TRPS1: variants seen among roughly 807,000 people sequenced by gnomAD.
The protein encoded by TRPS1 is zinc finger transcription factor Trps1.
A neutral mutation model predicts 101.2 loss-of-function variants in TRPS1; 6 were observed. That is an observed-to-expected ratio of 0.06 (90% CI 0.03 to 0.12). The LOEUF is 0.12. Ranked by LOEUF, TRPS1 falls within the 10% of genes least tolerant of loss-of-function variation. The probability of loss-of-function intolerance (pLI) is 1.00; values close to 1 mark genes in which losing one functional copy is unlikely to be tolerated. For missense variants in TRPS1, 1,363 were observed against 1,567.0 expected (o/e 0.87, Z 2.20); for synonymous variants, 578 against 589.8 (o/e 0.98, Z 0.29).
At chr8:115,616,374 G>A (rs1056008690) in intron 3 of TRPS1, among the ~76,000 whole-genome samples, 8 of 151,988 alleles carry the variant, frequency 5.3e-5, no homozygotes, top group East Asian at 1.9e-4. Context: ...GGAAATCTTC[G>A]AATTTGTTTA....
In TRPS1 at chr8:115,587,574, C is replaced by T. The variant is rs755741281; in HGVS notation, c.2127G>A (p.Gln709=). Residue 709 remains glutamine, a synonymous_variant, in exon 5 of 7, where the codon CAG becomes CAA. Coordinates refer to ENST00000395715, the MANE Select transcript of TRPS1 (RefSeq NM_014112.5). ...GAGTATCGGCAGCTGTAAAACTGCA[C>T]TGACGGCATTTGTAGCAGCTGTGTG... The part of the protein sequence containing the change: ...RRAHSCYKCR[Q]CSFTAADTQS... 1.6e-5 allele frequency: 26 copies of T among 1,614,146 alleles called. No individual in the cohort carries two copies. The highest frequency in any genetic ancestry group is 2.1e-5 in the Non-Finnish European group (25 of 1,180,010).
In TRPS1 at chr8:115,533,440, T is replaced by TTTTTTTTTG. The variant is rs1302190749; in HGVS notation, c.2700+53560_2700+53561insCAAAAAAAA. Among the ~76,000 whole-genome samples the TTTTTTTTTG allele has an allele frequency of 2.8e-4, 33 of 118,896 alleles. 1 individual carries two copies. Among genetic ancestry groups the TTTTTTTTTG allele is most frequent in the African/African-American group, 1.2e-3 (30 of 24,560 alleles). 78.0% of individuals were successfully genotyped at this position (118,896 alleles called of 152,430 possible). A position where few individuals can be genotyped will look rare whatever the true frequency, so the allele number is the denominator to read the frequency against. ...CCCGCTTCCCACATGTAATCTGTTT[T>TTTTTTTTTG]TTTTTTTTTTTTTTTTTTTCCTGAA... is the stretch of plus-strand genomic sequence containing the variant. On this transcript the variant is annotated intron_variant, in intron 5 of 6. Coordinates refer to ENST00000395715, the MANE Select transcript of TRPS1 (RefSeq NM_014112.5).
intron 2 of TRPS1, among the ~76,000 whole-genome samples, chr8:115,622,599 CACTA>C (rs755942432): frequency 2.0e-3 from 309 of 152,250 alleles, no homozygotes; most frequent in East Asian, 9.6e-3. Context: ...ATAATGTCTT[CACTA>C]ACTATTACAA....
At chr8:115,456,755 C>T (rs778468802) in intron 5 of TRPS1, among the ~76,000 whole-genome samples, 1 of 152,084 alleles carries the variant, frequency 6.6e-6, no homozygotes, top group Non-Finnish European at 1.5e-5. Context: ...CATAAAGGAA[C>T]ATGTATAGGC....
At chr8:115,537,506 G>C (rs1250620843) in intron 5 of TRPS1, among the ~76,000 whole-genome samples, 3 of 152,044 alleles carry the variant, frequency 2.0e-5, no homozygotes, top group African/African-American at 7.2e-5. Flanking sequence ...GACAACTTCT[G>C]CCACAAAACC....
chr8:115,599,174 T>C (rs772336731), intron 4 of TRPS1, among the ~76,000 whole-genome samples: 1 of 152,148 alleles, frequency 6.6e-6, no homozygotes, highest in Non-Finnish European at 1.5e-5. Flanking sequence ...CTCCTTGCTC[T>C]CTCTTAAATA....
intron 5 of TRPS1, among the ~76,000 whole-genome samples, chr8:115,565,913 C>G (rs189961614): frequency 2.0e-5 from 3 of 152,100 alleles, no homozygotes; most frequent in Admixed American, 2.0e-4. Context: ...ATTAAAAGGA[C>G]GAAAGACATT....
chr8:115,488,842 G>C (rs1452092566), intron 5 of TRPS1, among the ~76,000 whole-genome samples: 2 of 152,034 alleles, frequency 1.3e-5, no homozygotes, highest in Non-Finnish European at 2.9e-5. Flanking sequence ...GGATAATTTA[G>C]AGTTAAAATA....
chr8:115,492,101 T>C (rs1815038263), intron 5 of TRPS1: 2 of 434,272 alleles, frequency 4.6e-6, no homozygotes, highest in Non-Finnish European at 9.2e-6. Context: ...AAAAAATCTA[T>C]TGAGATGAGA....
In TRPS1 at chr8:115,414,720, C is replaced by T. The variant is rs776955806; in HGVS notation, c.3188G>A (p.Gly1063Glu). 3 of 1,614,066 alleles carry T rather than the reference C, an allele frequency of 1.9e-6. No homozygotes were observed. Among genetic ancestry groups the T allele is most frequent in the Non-Finnish European group, 2.5e-6 (3 of 1,179,956 alleles). Residue 1063 changes from glycine (G) to glutamate (E), a missense_variant, in exon 7 of 7, where the codon GGA becomes GAA. Physicochemically the swap from Gly to Glu is moderately conservative, Grantham distance 98. This residue lies in a region of TRPS1 where 307 missense variants were observed against 392.4 expected (regional missense o/e 0.78). Coordinates refer to ENST00000395715, the MANE Select transcript of TRPS1 (RefSeq NM_014112.5). This position sits in a 1 kb window ranked among gnomAD's most constrained non-coding sequence, Gnocchi z 4.8. ...CCCTTCAGATACGGATGAACTATTT[C>T]CTGGATCTCCAGTACTTTCCTGAGG... ...KSPQESTGDPGNSSSVSEGKG... is the reference protein window; with the variant it reads ...KSPQESTGDPENSSSVSEGKG...
intron 5 of TRPS1, among the ~76,000 whole-genome samples, chr8:115,524,047 T>A (rs1281820889): frequency 6.6e-6 from 1 of 152,164 alleles, no homozygotes; most frequent in African/African-American, 2.4e-5. Context: ...TGTTTTTTGG[T>A]CAAGCTTCTT....
rs1586293757 is a variant in TRPS1, at chr8:115,458,364, T to C, written c.2701-39912A>G. On this transcript the variant is annotated intron_variant, in intron 5 of 6. Transcript: ENST00000395715. ...AAAGGACATGCCATCCTTTTAATCATCTTAATAGACATAAACATACTGAAT... is the reference window on the plus strand; with the variant it reads ...AAAGGACATGCCATCCTTTTAATCACCTTAATAGACATAAACATACTGAAT... 3.3e-5 allele frequency among the ~76,000 whole-genome samples: 5 copies of C among 152,198 alleles called. No homozygotes were observed. The South Asian group carries it at 1.0e-3, about 32-fold the overall frequency.
intron 5 of TRPS1, among the ~76,000 whole-genome samples, chr8:115,464,003 A>G (rs73367498): frequency 0.022 from 3,315 of 152,166 alleles, 126 homozygotes; most frequent in African/African-American, 0.07. Flanking sequence ...TCCCACTTTA[A>G]ATATTGAAAT....
intron 1 of TRPS1, among the ~76,000 whole-genome samples, chr8:115,664,476 AT>A (rs1262244815): frequency 1.3e-5 from 2 of 152,156 alleles, no homozygotes; most frequent in African/African-American, 4.8e-5. Flanking sequence ...CAAAAGATAA[AT>A]GTCATTTTCA....
chr8:115,587,232 G>T lies in TRPS1; in HGVS notation c.2469C>A (p.Ser823Arg). Residue 823 changes from serine (S) to arginine (R), a missense_variant, in exon 5 of 7, where the codon AGC becomes AGA. Ser to Arg is a moderately radical substitution (Grantham distance 110, BLOSUM62 -1). This residue lies in a region of TRPS1 where 1,020 missense variants were observed against 1,073.0 expected (regional missense o/e 0.95). Coordinates refer to ENST00000395715, the MANE Select transcript of TRPS1 (RefSeq NM_014112.5). ...CAGACACAGGCGTCAGCAGCCCCAGGCTTGCTTGGGTGTATGACGGACTCC... is the reference window on the plus strand; with the variant it reads ...CAGACACAGGCGTCAGCAGCCCCAGTCTTGCTTGGGTGTATGACGGACTCC... ...LRGSPSYTQASLGLLTPVSGT... is the reference protein window; with the variant it reads ...LRGSPSYTQARLGLLTPVSGT... The T allele has an allele frequency of 6.2e-7, 1 of 1,614,194 alleles. No homozygotes were observed. Among genetic ancestry groups the T allele is most frequent in the Non-Finnish European group, 8.5e-7 (1 of 1,180,024 alleles).
chr8:115,491,873 G>A (rs1815031136), intron 5 of TRPS1, among the ~76,000 whole-genome samples: 1 of 152,046 alleles, frequency 6.6e-6, no homozygotes, highest in Admixed American at 6.6e-5. Flanking sequence ...ATCTGTATTT[G>A]AATGAATCCA....
At chr8:115,490,115 G>A (rs923179861) in intron 5 of TRPS1, among the ~76,000 whole-genome samples, 2 of 151,978 alleles carry the variant, frequency 1.3e-5, no homozygotes, top group Non-Finnish European at 2.9e-5. Flanking sequence ...TCAGTGCAAG[G>A]CACACACAAG....
chr8:115,567,318 C>T (rs1275858532), intron 5 of TRPS1, among the ~76,000 whole-genome samples: 4 of 152,116 alleles, frequency 2.6e-5, no homozygotes, highest in African/African-American at 4.8e-5. Flanking sequence ...TTCATTTCTA[C>T]CTTCATTTCC....
At position 115,629,399 on chromosome 8, in the gene TRPS1, C is replaced by T. The variant is rs569214186; in HGVS notation, c.-121-5641G>A. On this transcript the variant is annotated intron_variant, in intron 1 of 6. Transcript: ENST00000395715. ...AGAACATTGGATTTTAAAAAGGGAA[C>T]GGATAAAACATCTACATACAATAAA... 4.6e-5 allele frequency among the ~76,000 whole-genome samples: 7 copies of T among 151,620 alleles called. No homozygotes were observed. In the East Asian group the frequency reaches 5.8e-4, roughly 13 times the overall value.
Sources: gnomAD v4.1 joint callset for allele counts (sites outside exome capture counted in the v4.1 genomes callset) on GRCh38, gnomAD v4.1.1 for gene constraint, gnomAD v4.1.1 regional missense constraint, Gnocchi (gnomAD v3.1) non-coding constraint, MANE v1.5 for transcripts, NCBI Gene and HGNC (gene_info 2026-07-23, HGNC 2026-07-21) for gene names.